The following JAZF1 variants were observed in gnomAD, a reference collection of about 807,000 sequenced individuals.
JAZF1 encodes the protein juxtaposed with another zinc finger protein 1.
A neutral mutation model predicts 26.4 loss-of-function variants in JAZF1; 8 were observed. The observed-to-expected ratio is 0.30, with a 90% CI of 0.18 to 0.55. JAZF1 has a LOEUF of 0.55. Ranked by LOEUF, JAZF1 falls within the 20% of genes least tolerant of loss-of-function variation. JAZF1 has a pLI of 0.94. For missense variants in JAZF1, 199 were observed against 322.0 expected, an observed-to-expected ratio of 0.62 and a Z score of 2.92; for synonymous variants, 126 against 122.3, an observed-to-expected ratio of 1.03 and a Z score of -0.20.
intron 2 of JAZF1, among the ~76,000 whole-genome samples, chr7:27,910,776 C>A (rs1026284627): frequency 2.0e-5 from 3 of 152,188 alleles, no homozygotes; most frequent in Non-Finnish European, 4.4e-5. Context: ...TCCTGGACAC[C>A]TCTGCACCCA....
chr7:27,923,157 A>T (rs1025192721), intron 2 of JAZF1, among the ~76,000 whole-genome samples: 3 of 152,056 alleles, frequency 2.0e-5, no homozygotes, highest in African/African-American at 7.2e-5. Flanking sequence ...AGCATAACTG[A>T]CTGCTGCTTT....
intron 1 of JAZF1, among the ~76,000 whole-genome samples, chr7:28,037,240 G>C (rs886774574): frequency 3.9e-5 from 6 of 151,934 alleles, no homozygotes; most frequent in African/African-American, 1.5e-4. Context: ...CAGAAGCAGA[G>C]GAATTTAAAG....
In JAZF1 at chr7:27,831,737, A is replaced by G. The variant is rs1782705949; in HGVS notation, c.*1063T>C. 4.4e-6 allele frequency: 1 copy of G among 224,930 alleles called. No individual in the cohort carries two copies. Among genetic ancestry groups the G allele is most frequent in the Non-Finnish European group, 8.9e-6 (1 of 112,602 alleles). 13.9% of individuals were successfully genotyped at this position (224,930 alleles called of 1,614,324 possible). On this transcript the variant is annotated 3_prime_UTR_variant, in exon 5 of 5. Transcript: ENST00000283928. ...AAAAAATGAGCATGAAGAAGAGGCAATAGGGGTCTTAACAAAAGTGTTCAT... is the reference window on the plus strand; with the variant it reads ...AAAAAATGAGCATGAAGAAGAGGCAGTAGGGGTCTTAACAAAAGTGTTCAT...
At chr7:28,002,744 T>C (rs4400283) in intron 1 of JAZF1, among the ~76,000 whole-genome samples, 28,994 of 151,892 alleles carry the variant, frequency 0.19, 2,919 homozygotes, top group South Asian at 0.25. Flanking sequence ...AGAGCTATTT[T>C]CCCCCCTTTC....
intron 3 of JAZF1, among the ~76,000 whole-genome samples, chr7:27,865,420 A>G (rs1377701797): frequency 6.6e-6 from 1 of 152,168 alleles, no homozygotes; most frequent in Admixed American, 6.5e-5. Context: ...CTTTTGTTTC[A>G]GGGGTGTATG....
In JAZF1 at chr7:27,944,122, G is replaced by T. The variant is rs894350785; in HGVS notation, c.188+47787C>A. Among the ~76,000 whole-genome samples, 3 of 152,174 alleles carry T rather than the reference G, an allele frequency of 2.0e-5. No homozygotes were observed. The South Asian group carries it at 6.2e-4, about 32-fold the overall frequency. ...GAAAGTTATTGCCCCACTGTGCAGAGCCCAGTGGTCTGACATTATTTACCT... is the reference window on the plus strand; with the variant it reads ...GAAAGTTATTGCCCCACTGTGCAGATCCCAGTGGTCTGACATTATTTACCT... On this transcript the variant is annotated intron_variant, in intron 2 of 4. Coordinates refer to ENST00000283928, the MANE Select transcript of JAZF1 (RefSeq NM_175061.4).
chr7:28,024,772 C>T (rs1277047886), intron 1 of JAZF1, among the ~76,000 whole-genome samples: 6 of 152,090 alleles, frequency 3.9e-5, no homozygotes, highest in African/African-American at 1.2e-4. Context: ...ATGCCCTGAG[C>T]CTGCAACTTG....
intron 1 of JAZF1, among the ~76,000 whole-genome samples, chr7:28,178,689 G>C (rs945855726): frequency 2.0e-5 from 3 of 152,106 alleles, no homozygotes; most frequent in Non-Finnish European, 4.4e-5. Context: ...ATACTTTCAA[G>C]CACTTTCAGT....
chr7:28,032,137 T>C (rs746041021), intron 1 of JAZF1, among the ~76,000 whole-genome samples: 11 of 152,338 alleles, frequency 7.2e-5, no homozygotes, highest in Admixed American at 2.6e-4. Context: ...TCTATGTTTA[T>C]AGAAGTTCAT....
At chr7:27,885,539 C>G (rs6961731) in intron 3 of JAZF1, among the ~76,000 whole-genome samples, 4 of 152,128 alleles carry the variant, frequency 2.6e-5, no homozygotes, top group Admixed American at 2.6e-4. Context: ...GTAGGAGTTC[C>G]GTACGTATTC....
intron 1 of JAZF1, among the ~76,000 whole-genome samples, chr7:28,020,068 TTGCTC>T (rs1782978376): frequency 6.6e-6 from 1 of 152,154 alleles, no homozygotes; most frequent in Non-Finnish European, 1.5e-5. Flanking sequence ...CCTCTTTTGC[TTGCTC>T]TGCTCAGCTA....
At chr7:28,102,751 C>T (rs1180188982) in intron 1 of JAZF1, among the ~76,000 whole-genome samples, 1 of 152,174 alleles carries the variant, frequency 6.6e-6, no homozygotes, top group Non-Finnish European at 1.5e-5. Flanking sequence ...AGTGAGCATA[C>T]ACTCCATAGT....
intron 3 of JAZF1, among the ~76,000 whole-genome samples, chr7:27,874,827 T>A (rs1428647014): frequency 2.6e-5 from 4 of 152,166 alleles, no homozygotes; most frequent in African/African-American, 9.7e-5. Flanking sequence ...CAATAGCCTT[T>A]GGGATCATCA....
chr7:28,080,435 G>T (rs1415257150), intron 1 of JAZF1, among the ~76,000 whole-genome samples: 2 of 152,180 alleles, frequency 1.3e-5, no homozygotes, highest in Non-Finnish European at 2.9e-5. Context: ...TTTCCCTCAA[G>T]AACTTTTTCC....
chr7:28,008,682 G>A (rs1042884643), intron 1 of JAZF1, among the ~76,000 whole-genome samples: 65 of 152,198 alleles, frequency 4.3e-4, no homozygotes, highest in African/African-American at 1.5e-3. Context: ...ATTTTACTTT[G>A]CTATCCTTGG....
At chr7:28,128,381 G>T (rs1782734067) in intron 1 of JAZF1, among the ~76,000 whole-genome samples, 1 of 152,144 alleles carries the variant, frequency 6.6e-6, no homozygotes, top group Admixed American at 6.5e-5. Context: ...AATTAGCCAG[G>T]TGTGGTGGCA....
chr7:28,082,482 G>C (rs185613345), intron 1 of JAZF1, among the ~76,000 whole-genome samples: 2 of 152,004 alleles, frequency 1.3e-5, no homozygotes, highest in African/African-American at 4.8e-5. Context: ...CATACCACAC[G>C]GTCTTTCCTC....
At chr7:27,852,032 G>A (rs1783160568) in intron 3 of JAZF1, among the ~76,000 whole-genome samples, 1 of 151,280 alleles carries the variant, frequency 6.6e-6, no homozygotes, top group South Asian at 2.1e-4. Flanking sequence ...TGCTTGGTCA[G>A]TATGCAGTCA....
intron 2 of JAZF1, among the ~76,000 whole-genome samples, chr7:27,974,694 G>A (rs1364524886): frequency 6.6e-6 from 1 of 152,160 alleles, no homozygotes; most frequent in Non-Finnish European, 1.5e-5. Context: ...CAAGGTCATG[G>A]GGACAAGTCA....
Sources: allele counts gnomAD v4.1 joint callset (sites outside exome capture counted in the v4.1 genomes callset), GRCh38; gene constraint gnomAD v4.1.1; transcripts MANE v1.5; gene names NCBI Gene and HGNC (gene_info 2026-07-23, HGNC 2026-07-21).